CLIP2: variants seen among roughly 807,000 people sequenced by gnomAD.
CLIP2 encodes CAP-Gly domain-containing linker protein 2.
CLIP2 carries 41 observed loss-of-function variants against 111.7 expected under a neutral mutation model. The observed-to-expected ratio is 0.37, with a 90% confidence interval of 0.29 to 0.48. CLIP2 has a LOEUF of 0.48. Ranked by LOEUF, CLIP2 falls within the 20% of genes least tolerant of loss-of-function variation. The pLI, the probability that CLIP2 is intolerant of heterozygous loss-of-function variation, is 0.99. For missense variants in CLIP2, 1,160 were observed against 1,422.1 expected, an observed-to-expected ratio of 0.82 and a Z score of 2.96; for synonymous variants, 660 against 644.2, an observed-to-expected ratio of 1.02 and a Z score of -0.37.
chr7:74,382,310 T>TG (rs1218857489), intron 11 of CLIP2, among the ~76,000 whole-genome samples: 1 of 142,712 alleles, frequency 7.0e-6, no homozygotes, highest in Non-Finnish European at 1.5e-5. Flanking sequence ...TGGTCTTTTT[T>TG]TTTTTTTTTT....
At chr7:74,390,573 G>GT (rs1320329692) in intron 13 of CLIP2, among the ~76,000 whole-genome samples, 6 of 152,018 alleles carry the variant, frequency 3.9e-5, no homozygotes, top group Non-Finnish European at 8.8e-5. Flanking sequence ...GGAGGCTGAG[G>GT]TGGGAGGATC....
rs183629365 is a variant in CLIP2, at chr7:74,376,022, G to A, written c.1621G>A (p.Glu541Lys). ...PPPPDHPDAA[E>K]ILRLRERLLS... ...ACCTCCGGACCACCCAGACGCCGCCGAGATCCTGCGGCTACGGGAGCGGCT... is the reference window on the plus strand; with the variant it reads ...ACCTCCGGACCACCCAGACGCCGCCAAGATCCTGCGGCTACGGGAGCGGCT... The change falls in exon 10 of 17, where the codon GAG (glutamate) becomes AAG (lysine). Residue 541 changes from glutamate (E) to lysine (K), a missense_variant. Glu to Lys is a moderately conservative substitution (Grantham distance 56). Transcript: ENST00000223398. The surrounding 1 kb of genome is among the most constrained non-coding windows in gnomAD (Gnocchi z 7.1). The A allele has an allele frequency of 9.3e-6, 15 of 1,612,970 alleles. No individual in the cohort carries two copies. The highest frequency in any genetic ancestry group is 4.4e-5 in the South Asian group (4 of 91,034).
intron 1 of CLIP2, among the ~76,000 whole-genome samples, chr7:74,303,041 A>G (rs1452395148): frequency 8.5e-5 from 13 of 152,208 alleles, no homozygotes; most frequent in Non-Finnish European, 1.5e-5. Context: ...GGGTGGAGAC[A>G]GCAGTACAGA....
intron 1 of CLIP2, among the ~76,000 whole-genome samples, chr7:74,317,239 T>C (rs1424233017): frequency 6.6e-6 from 1 of 151,892 alleles, no homozygotes; most frequent in African/African-American, 2.4e-5. Context: ...TATAAGAGGG[T>C]AAGGCAATAG....
intron 3 of CLIP2, among the ~76,000 whole-genome samples, chr7:74,341,348 C>T (rs1197460639): frequency 6.6e-6 from 1 of 151,062 alleles, no homozygotes; most frequent in Non-Finnish European, 1.5e-5. Context: ...CCATCACGCC[C>T]TGCTAATTTT....
chr7:74,367,130 T>A (rs1790486866), intron 8 of CLIP2, among the ~76,000 whole-genome samples: 1 of 152,166 alleles, frequency 6.6e-6, no homozygotes, highest in Non-Finnish European at 1.5e-5. Context: ...TCATTTTAAC[T>A]AACTACATGT....
Position 74,389,190 on chromosome 7 carries a change from T to C in CLIP2, c.2651T>C (p.Val884Ala), listed in dbSNP as rs868985608. 6.2e-7 allele frequency: 1 copy of C among 1,613,598 alleles called. No homozygotes were observed. The highest frequency in any genetic ancestry group is 8.5e-7 in the Non-Finnish European group (1 of 1,179,876). ...CGCCTGGAGGCAGAGCTGGAGACCG[T>C]GTCCCGGAAGACCCATGACGCCTCG... ...KRRLEAELET[V>A]SRKTHDASGQ... is the part of the protein sequence containing the mutation. Residue 884 changes from valine to alanine, a missense_variant, in exon 13 of 17, where the codon GTG becomes GCG. Val to Ala is a moderately conservative substitution (Grantham distance 64). Around this residue, in one of 5 missense-constraint regions of CLIP2, gnomAD observed 676 missense variants for 777.8 expected, o/e 0.87. Transcript: ENST00000223398.
chr7:74,301,713 TG>T (rs1225347658), intron 1 of CLIP2, among the ~76,000 whole-genome samples: 8 of 86,098 alleles, frequency 9.3e-5, no homozygotes, highest in African/African-American at 1.1e-4. Flanking sequence ...TTGTTTGTTT[TG>T]TTTTTTTTGT....
intron 2 of CLIP2, among the ~76,000 whole-genome samples, chr7:74,320,513 C>T (rs1487245651): frequency 1.3e-5 from 2 of 152,072 alleles, no homozygotes; most frequent in African/African-American, 4.8e-5. Context: ...CCCAGCGAGA[C>T]CCTGACTCAA....
chr7:74,318,722 A>T (rs1788858661), intron 2 of CLIP2, among the ~76,000 whole-genome samples: 1 of 152,116 alleles, frequency 6.6e-6, no homozygotes, highest in Admixed American at 6.6e-5. Flanking sequence ...TAAAAAAAAA[A>T]TGACGATCGT....
Position 74,321,986 on chromosome 7 carries a change from C to CTT in CLIP2, c.121+4333_121+4334dup, listed in dbSNP as rs34549907. Among the ~76,000 whole-genome samples, 237 of 125,384 alleles carry CTT rather than the reference C, an allele frequency of 1.9e-3. 3 individuals are homozygous for CTT. The highest frequency in any genetic ancestry group is 2.6e-3 in the East Asian group (11 of 4,252). 82.3% of individuals were successfully genotyped at this position (125,384 alleles called of 152,430 possible). On this transcript the variant is annotated intron_variant, in intron 2 of 16. Coordinates refer to ENST00000223398, the MANE Select transcript of CLIP2 (RefSeq NM_003388.5). The stretch of plus-strand genomic sequence containing the variant: ...TTTTTATTATTTTATTTTATTTTTC[C>CTT]TTTTTTTTTTTTTTTGAGACAGAGT...
At chr7:74,377,112 G>C (rs1481113609) in intron 10 of CLIP2, among the ~76,000 whole-genome samples, 2 of 152,072 alleles carry the variant, frequency 1.3e-5, no homozygotes, top group Non-Finnish European at 2.9e-5. Flanking sequence ...TGCAGAGGAC[G>C]GGCTTTGATT....
At position 74,376,427 on chromosome 7, in the gene CLIP2, G is replaced by T; in HGVS notation, c.2026G>T (p.Ala676Ser). The T allele has an allele frequency of 6.2e-7, 1 of 1,614,006 alleles. No individual in the cohort carries two copies. Among genetic ancestry groups the T allele is most frequent in the Non-Finnish European group, 8.5e-7 (1 of 1,180,024 alleles). ...GCAGGCCAAGCATGACCTGGAGACC[G>T]CCATGCACGTGAAGGAGAAGGAGGC... ...NLQAKHDLET[A>S]MHVKEKEALR... The change falls in exon 10 of 17, where the codon GCC becomes TCC. Residue 676 changes from alanine to serine, a missense_variant. By Grantham distance (99) the Ala-to-Ser change is moderately conservative (BLOSUM62 1). Around this residue, in one of 5 missense-constraint regions of CLIP2, gnomAD observed 676 missense variants for 777.8 expected, o/e 0.87. Coordinates refer to ENST00000223398, the MANE Select transcript of CLIP2 (RefSeq NM_003388.5). This position sits in a 1 kb window ranked among gnomAD's most constrained non-coding sequence, Gnocchi z 7.1.
intron 3 of CLIP2, among the ~76,000 whole-genome samples, chr7:74,345,519 GAAGTAAAATGAA>G (rs1483234669): frequency 1.3e-5 from 2 of 151,836 alleles, no homozygotes; most frequent in African/African-American, 4.8e-5. Context: ...AGTGAGTCCA[GAAGTAAAATGAA>G]ATTAACATTT....
intron 1 of CLIP2, among the ~76,000 whole-genome samples, chr7:74,317,060 A>C (rs1477016992): frequency 6.6e-6 from 1 of 152,162 alleles, no homozygotes; most frequent in Non-Finnish European, 1.5e-5. Context: ...TTTGTTGCAA[A>C]CAGTTTGATG....
intron 15 of CLIP2, 35 bp from the exon 16 acceptor site, chr7:74,401,470 T>C (rs782271925): frequency 1.9e-5 from 30 of 1,608,982 alleles, no homozygotes; most frequent in African/African-American, 2.7e-5. Flanking sequence ...TGCTGCCTGG[T>C]GCACCTGGCT....
At chr7:74,306,872 G>T in intron 1 of CLIP2, among the ~76,000 whole-genome samples, 1 of 152,200 alleles carries the variant, frequency 6.6e-6, no homozygotes, top group East Asian at 1.9e-4. Flanking sequence ...TGGGCCAAGG[G>T]CTCACAGCCA....
chr7:74,316,273 C>G (rs782717755), intron 1 of CLIP2, among the ~76,000 whole-genome samples: 6 of 152,028 alleles, frequency 3.9e-5, no homozygotes, highest in Non-Finnish European at 8.8e-5. Flanking sequence ...GAGACAGAGT[C>G]TTGCTCTGTC....
intron 14 of CLIP2, 121 bp downstream of exon 14, chr7:74,397,354 A>G (rs2116706849): frequency 9.3e-7 from 1 of 1,080,472 alleles, no homozygotes. Flanking sequence ...CAGCTGAGTC[A>G]TGGTGAGGAT....
Sources: gnomAD v4.1 joint callset for allele counts (sites outside exome capture counted in the v4.1 genomes callset) on GRCh38, gnomAD v4.1.1 for gene constraint, gnomAD v4.1.1 regional missense constraint, Gnocchi (gnomAD v3.1) non-coding constraint, MANE v1.5 for transcripts, NCBI Gene and HGNC (gene_info 2026-07-23, HGNC 2026-07-21) for gene names.